PEPD: variants seen among roughly 807,000 people sequenced by gnomAD.
The protein encoded by PEPD is xaa-Pro dipeptidase.
In PEPD, 53 loss-of-function variants were observed where a neutral mutation model predicts 60.7. The observed-to-expected ratio is 0.87, with a 90% CI of 0.70 to 1.10. PEPD has a LOEUF of 1.10. Among genes scored for constraint, PEPD ranks in the 50% least tolerant of loss-of-function variants. The pLI is 0.00. For missense variants in PEPD, 711 were observed against 711.9 expected, an observed-to-expected ratio of 1.00 and a Z score of 0.01; for synonymous variants, 267 against 284.1, an observed-to-expected ratio of 0.94 and a Z score of 0.60.
intron 7 of PEPD, among the ~76,000 whole-genome samples, chr19:33,465,081 T>C (rs1969995798): frequency 6.6e-6 from 1 of 152,142 alleles, no homozygotes; most frequent in Non-Finnish European, 1.5e-5. Flanking sequence ...GTTTTCATCA[T>C]AGGTTTGCAG....
chr19:33,481,292 C>A (rs1340078780), intron 6 of PEPD, among the ~76,000 whole-genome samples: 1 of 152,210 alleles, frequency 6.6e-6, no homozygotes, highest in African/African-American at 2.4e-5. Context: ...CTAGGCTGGG[C>A]GCAGTGGCTC....
intron 11 of PEPD, among the ~76,000 whole-genome samples, chr19:33,409,925 A>C (rs1968724495): frequency 6.6e-6 from 1 of 152,232 alleles, no homozygotes; most frequent in South Asian, 2.1e-4. Flanking sequence ...GAAAATCCAC[A>C]GAGACCCAGA....
chr19:33,388,001 C>T lies in PEPD; in HGVS notation c.1233G>A (p.Val411=). 1 of 1,577,726 alleles carries T rather than the reference C, an allele frequency of 6.3e-7. No homozygotes were observed. Among genetic ancestry groups the T allele is most frequent in the Non-Finnish European group, 8.6e-7 (1 of 1,162,096 alleles). ...GGTCGATGAAGTAGATGCCCGGCTC[C>T]ACGGTGAGCACCATGCCTGGCTGCA... The part of the protein sequence containing the change: ...RHLQPGMVLT[V]EPGIYFIDHL... The change falls in exon 14 of 15, where the codon GTG becomes GTA. Residue 411 remains valine, a synonymous_variant. Transcript: ENST00000244137.
At chr19:33,457,340 A>T (rs1969822096) in intron 9 of PEPD, among the ~76,000 whole-genome samples, 1 of 152,066 alleles carries the variant, frequency 6.6e-6, no homozygotes, top group African/African-American at 2.4e-5. Context: ...CTGAGGCGGG[A>T]GGATCACTTG....
rs1555762504 is a variant in PEPD, at chr19:33,453,317, A to AAAAAAAT, written c.671+9677_671+9678insATTTTTT. ...CAGTAGAGCAAAACACTGTCATAAA[A>AAAAAAAT]AAATAAATAAATAAATAAATAAATA... On this transcript the variant is annotated intron_variant, in intron 9 of 14. Coordinates refer to ENST00000244137, the MANE Select transcript of PEPD (RefSeq NM_000285.4). Among the ~76,000 whole-genome samples, 820 of 148,746 alleles carry AAAAAAAT rather than the reference A, an allele frequency of 5.5e-3. 4 individuals carry two copies. The highest frequency in any genetic ancestry group is 0.014 in the Middle Eastern group (4 of 284).
chr19:33,502,018 T>G lies in PEPD; in HGVS notation c.330-1017A>C, dbSNP rs910566347. On this transcript the variant is annotated intron_variant, in intron 3 of 14. Transcript: ENST00000244137. ...CCTCGTCCACCTCCTGATGGGCCCT[T>G]TGGTCACAGCTGTGCTAGGCAGACC... 1.6e-4 allele frequency among the ~76,000 whole-genome samples: 25 copies of G among 152,254 alleles called. No individual in the cohort carries two copies. The East Asian group carries it at 1.7e-3, about 11-fold the overall frequency.
chr19:33,492,817 T>C (rs1009939239), intron 5 of PEPD, among the ~76,000 whole-genome samples: 2 of 152,202 alleles, frequency 1.3e-5, no homozygotes, highest in African/African-American at 4.8e-5. Flanking sequence ...TGGGGTCCCA[T>C]AAACAGCTAT....
At chr19:33,404,390 G>A (rs1028187383) in intron 11 of PEPD, among the ~76,000 whole-genome samples, 5 of 152,168 alleles carry the variant, frequency 3.3e-5, no homozygotes, top group Non-Finnish European at 4.4e-5. Flanking sequence ...AACAGCAGCC[G>A]GGGCAGAAAG....
At chr19:33,487,835 G>A (rs576938136) in intron 6 of PEPD, among the ~76,000 whole-genome samples, 1 of 152,256 alleles carries the variant, frequency 6.6e-6, no homozygotes, top group Admixed American at 6.5e-5. Flanking sequence ...GGGACTGGGG[G>A]GCAACAGGTG....
At position 33,512,706 on chromosome 19, in the gene PEPD, G is replaced by C. The variant is rs749428028; in HGVS notation, c.88C>G (p.Leu30Val). 6.2e-7 allele frequency: 1 copy of C among 1,614,102 alleles called. No homozygotes were observed. The highest frequency in any genetic ancestry group is 8.5e-7 in the Non-Finnish European group (1 of 1,180,012). Residue 30 changes from leucine (L) to valine (V), a missense_variant, in exon 2 of 15, where the codon CTG (leucine) becomes GTG (valine). Physicochemically the swap from Leu to Val is conservative, Grantham distance 32. Transcript: ENST00000244137. ...LALFALNRQR[L>V]CERLRKNPAV... ...GGGTTCTTCCGCAGCCGCTCACACA[G>C]GCGCTGCCGGTTCAAGGCAAAGAGC...
At chr19:33,396,853 G>C (rs373227802) in intron 12 of PEPD, among the ~76,000 whole-genome samples, 1 of 152,126 alleles carries the variant, frequency 6.6e-6, no homozygotes, top group East Asian at 1.9e-4. Flanking sequence ...GAGCCCGCGG[G>C]ACAGGGACAG....
intron 9 of PEPD, among the ~76,000 whole-genome samples, chr19:33,460,101 G>C (rs1177959151): frequency 6.6e-6 from 1 of 152,226 alleles, no homozygotes; most frequent in Non-Finnish European, 1.5e-5. Context: ...AAAAACACGG[G>C]CTTTAGAAGA....
At chr19:33,396,720 G>A (rs2145337303) in intron 12 of PEPD, among the ~76,000 whole-genome samples, 1 of 151,856 alleles carries the variant, frequency 6.6e-6, no homozygotes, top group South Asian at 2.1e-4. Context: ...GGGGGGGTGA[G>A]GAGAGAGGGA....
chr19:33,432,600 G>A (rs994269421), intron 9 of PEPD, among the ~76,000 whole-genome samples: 1 of 152,252 alleles, frequency 6.6e-6, no homozygotes, highest in Non-Finnish European at 1.5e-5. Flanking sequence ...GGGAGCAGGA[G>A]GAAGCCTCTT....
At chr19:33,393,867 G>C (rs1968299047) in intron 12 of PEPD, among the ~76,000 whole-genome samples, 1 of 152,248 alleles carries the variant, frequency 6.6e-6, no homozygotes, top group African/African-American at 2.4e-5. Flanking sequence ...TTTTACCTCA[G>C]GCCCTTTGCT....
chr19:33,414,614 C>T (rs143493534), intron 9 of PEPD, among the ~76,000 whole-genome samples: 383 of 138,586 alleles, frequency 2.8e-3, no homozygotes, highest in Middle Eastern at 3.9e-3. Context: ...CCAGGGCAGT[C>T]GTTGCGGCCG....
chr19:33,421,993 G>A (rs148306483), intron 9 of PEPD, among the ~76,000 whole-genome samples: 2 of 151,950 alleles, frequency 1.3e-5, no homozygotes, highest in Non-Finnish European at 2.9e-5. Context: ...CTCCACAAAC[G>A]GATCCTTCCA....
intron 1 of PEPD, among the ~76,000 whole-genome samples, chr19:33,514,257 C>G (rs544141386): frequency 1.3e-5 from 2 of 152,074 alleles, no homozygotes; most frequent in Non-Finnish European, 2.9e-5. Context: ...AGAGCTGGTG[C>G]GAGCAGAGAG....
intron 9 of PEPD, among the ~76,000 whole-genome samples, chr19:33,430,489 C>T (rs1355835927): frequency 6.6e-6 from 1 of 152,116 alleles, no homozygotes; most frequent in Non-Finnish European, 1.5e-5. Context: ...CCAGTGTGAG[C>T]CCAGCAGATC....
Sources: gnomAD v4.1 joint callset for allele counts (sites outside exome capture counted in the v4.1 genomes callset) on GRCh38, gnomAD v4.1.1 for gene constraint, MANE v1.5 for transcripts, NCBI Gene and HGNC (gene_info 2026-07-23, HGNC 2026-07-21) for gene names.